Variants in DNAJC15 observed in about 807,000 individuals in gnomAD.
DNAJC15 encodes DnaJ heat shock protein family (Hsp40) member C15.
A neutral mutation model predicts 22.4 loss-of-function variants in DNAJC15; 27 were observed. The ratio of observed to expected loss-of-function variants is 1.20; its 90% CI spans 0.89 to 1.66. The LOEUF is 1.66. Ranked by LOEUF, DNAJC15 falls within the 40% of genes most tolerant of loss-of-function variation. The pLI is 0.00. For missense variants in DNAJC15, 208 were observed against 187.1 expected (o/e 1.11, Z -0.65); for synonymous variants, 79 against 63.2 (o/e 1.25, Z -1.19).
chr13:43,074,711 GTGA>G (rs1402139672), intron 3 of DNAJC15, among the ~76,000 whole-genome samples: 2 of 152,176 alleles, frequency 1.3e-5, no homozygotes, highest in Non-Finnish European at 2.9e-5. Flanking sequence ...TTAAAATACT[GTGA>G]TAACAGTTTT....
chr13:43,069,910 A>G (rs1196250641), intron 3 of DNAJC15, among the ~76,000 whole-genome samples: 1 of 152,202 alleles, frequency 6.6e-6, no homozygotes, highest in East Asian at 1.9e-4. Flanking sequence ...TACTTTATAT[A>G]TGTTATTTCA....
At chr13:43,027,904 T>C (rs1304801245) in intron 1 of DNAJC15, among the ~76,000 whole-genome samples, 1 of 152,218 alleles carries the variant, frequency 6.6e-6, no homozygotes, top group African/African-American at 2.4e-5. Context: ...CGATCCACCC[T>C]CCTCAACCTC....
chr13:43,084,358 T>C (rs1339377676), intron 4 of DNAJC15, among the ~76,000 whole-genome samples: 1 of 152,206 alleles, frequency 6.6e-6, no homozygotes, highest in Non-Finnish European at 1.5e-5. Flanking sequence ...AAAATAAACC[T>C]GGGGGTAGGT....
rs561739659 is a variant in DNAJC15 at position 43,023,679 on chromosome 13, A to G, written c.53A>G (p.Glu18Gly). The G allele has an allele frequency of 6.2e-7, 1 of 1,612,990 alleles. No homozygotes were observed. Among genetic ancestry groups the G allele is most frequent in the Admixed American group, 1.7e-5 (1 of 59,960 alleles). Reference protein sequence around the residue: ...APVGESLRYAEYLQPSAKRPD... With the variant: ...APVGESLRYAGYLQPSAKRPD... ...GTTGGCGAGAGTTTGCGCTACGCTG[A>G]GTACTTGCAGCCCTCGGCCAAACGG... Residue 18 changes from glutamate to glycine, a missense_variant, in exon 1 of 6, where the codon GAG becomes GGG. Glu to Gly is a moderately conservative substitution (Grantham distance 98). Transcript: ENST00000379221.
chr13:43,107,345 A>T lies in DNAJC15; in HGVS notation c.*97A>T, dbSNP rs969795143. On this transcript the variant is annotated 3_prime_UTR_variant, in exon 6 of 6. Coordinates refer to ENST00000379221, the MANE Select transcript of DNAJC15 (RefSeq NM_013238.3). ...TAAAACATGGTCTTCTTAATTTTCTATATGGATTGACCACAGTCTTATCTT... is the reference window on the plus strand; with the variant it reads ...TAAAACATGGTCTTCTTAATTTTCTTTATGGATTGACCACAGTCTTATCTT... 9 of 1,002,644 alleles carry T rather than the reference A, an allele frequency of 9.0e-6. No homozygotes were observed. The highest frequency in any genetic ancestry group is 3.3e-4 in the Middle Eastern group (1 of 2,992). The allele number at this position is 1,002,644 out of a possible 1,614,324, so 62.1% of individuals were successfully genotyped here.
In DNAJC15 at chr13:43,109,149, A is replaced by G. The variant is rs931024828; in HGVS notation, c.*1901A>G. The G allele has an allele frequency of 1.3e-5, 2 of 152,230 alleles. No homozygotes were observed. The highest frequency in any genetic ancestry group is 4.8e-5 in the African/African-American group (2 of 41,460). The allele number at this position is 152,230 out of a possible 1,614,324, so 9.4% of individuals were successfully genotyped here. ...GTTTGGTGTTACATTGGCACCCAAT[A>G]AATATTTGTTGAGTGAATGAATAAA... is the stretch of plus-strand genomic sequence containing the variant. On this transcript the variant is annotated 3_prime_UTR_variant, in exon 6 of 6. Transcript: ENST00000379221.
At chr13:43,024,893 T>TAAAGAAAAAAAAAAAAAAAAAAAAAA (rs2040372644) in intron 1 of DNAJC15, among the ~76,000 whole-genome samples, 1 of 85,946 alleles carries the variant, frequency 1.2e-5, no homozygotes. Context: ...CCATCTCTGC[T>TAAAGAAAAAAAAAAAAAAAAAAAAAA]AAAAAAAAAA....
At chr13:43,038,151 C>T (rs893011543) in intron 1 of DNAJC15, among the ~76,000 whole-genome samples, 3 of 151,996 alleles carry the variant, frequency 2.0e-5, no homozygotes, top group African/African-American at 7.2e-5. Flanking sequence ...TTATTTTCTT[C>T]GGATAAATTT....
intron 5 of DNAJC15, among the ~76,000 whole-genome samples, chr13:43,105,261 T>TTGCTTA (rs2040790859): frequency 6.6e-6 from 1 of 152,076 alleles, no homozygotes; most frequent in African/African-American, 2.4e-5. Flanking sequence ...TACCACACTC[T>TTGCTTA]TGCTTACTAG....
intron 1 of DNAJC15, among the ~76,000 whole-genome samples, chr13:43,049,226 A>G (rs950196463): frequency 1.3e-5 from 2 of 152,306 alleles, no homozygotes; most frequent in Non-Finnish European, 1.5e-5. Context: ...TACCAACACT[A>G]TGCCTGATTC....
At chr13:43,104,745 A>G (rs909854977) in intron 5 of DNAJC15, among the ~76,000 whole-genome samples, 12 of 148,898 alleles carry the variant, frequency 8.1e-5, no homozygotes, top group Non-Finnish European at 1.6e-4. Flanking sequence ...GCTGGAGTGC[A>G]GTGGTGCGAT....
chr13:43,029,740 G>T (rs1189251365), intron 1 of DNAJC15, among the ~76,000 whole-genome samples: 1 of 151,842 alleles, frequency 6.6e-6, no homozygotes, highest in Non-Finnish European at 1.5e-5. Flanking sequence ...TTGATCTGCT[G>T]GCATTATTTA....
intron 3 of DNAJC15, among the ~76,000 whole-genome samples, chr13:43,073,045 T>C (rs1035835694): frequency 6.6e-6 from 1 of 152,218 alleles, no homozygotes; most frequent in Admixed American, 6.5e-5. Context: ...TGTGTTCATA[T>C]TGGTTCTTTT....
intron 1 of DNAJC15, among the ~76,000 whole-genome samples, chr13:43,058,840 C>G (rs560893726): frequency 5.3e-5 from 8 of 152,270 alleles, no homozygotes; most frequent in South Asian, 4.1e-4. Context: ...TTTTAATTTT[C>G]GCTCAGCTCT....
Position 43,023,664 on chromosome 13 carries a change from G to C in DNAJC15, c.38G>C (p.Ser13Thr), listed in dbSNP as rs1257285882. Reference sequence around the variant, plus strand: ...GGTGTCATCGCTCCAGTTGGCGAGAGTTTGCGCTACGCTGAGTACTTGCAG... The same window carrying C: ...GGTGTCATCGCTCCAGTTGGCGAGACTTTGCGCTACGCTGAGTACTTGCAG... Reference protein sequence around the residue: ...ARGVIAPVGESLRYAEYLQPS... With the variant: ...ARGVIAPVGETLRYAEYLQPS... Residue 13 changes from serine to threonine, a missense_variant, in exon 1 of 6, where the codon AGT becomes ACT. Physicochemically the swap from Ser to Thr is moderately conservative, Grantham distance 58. Transcript: ENST00000379221. 6.2e-7 allele frequency: 1 copy of C among 1,612,802 alleles called. No individual in the cohort carries two copies. Among genetic ancestry groups the C allele is most frequent in the Admixed American group, 1.7e-5 (1 of 59,962 alleles).
Position 43,111,371 on chromosome 13 carries a change from CAT to C in DNAJC15, c.*4127_*4128del, listed in dbSNP as rs1260995834. 2 of 152,266 alleles carry C rather than the reference CAT, an allele frequency of 1.3e-5. No homozygotes were observed. The highest frequency in any genetic ancestry group is 2.4e-5 in the African/African-American group (1 of 41,556). The allele number at this position is 152,266 out of a possible 1,614,324, so 9.4% of individuals were successfully genotyped here. A position where few individuals can be genotyped will look rare whatever the true frequency, so the allele number is the denominator to read the frequency against. The stretch of plus-strand genomic sequence containing the variant: ...CCTTCATACTTTTTAATTAACAAGA[CAT>C]ATAAGAGTTGCATTAATGGGCGTGC... On this transcript the variant is annotated 3_prime_UTR_variant, in exon 6 of 6. Transcript: ENST00000379221.
chr13:43,097,794 G>A (rs139207213), intron 5 of DNAJC15, among the ~76,000 whole-genome samples: 2,536 of 152,020 alleles, frequency 0.017, 82 homozygotes, highest in East Asian at 0.1. Flanking sequence ...AAAATTAGCC[G>A]GGCGTGGTGG....
At chr13:43,066,845 G>A (rs960589810) in intron 2 of DNAJC15, among the ~76,000 whole-genome samples, 3 of 151,934 alleles carry the variant, frequency 2.0e-5, no homozygotes, top group African/African-American at 4.8e-5. Flanking sequence ...GGTTTCGATC[G>A]CCTGACCTCG....
At chr13:43,029,740 G>A (rs1189251365) in intron 1 of DNAJC15, among the ~76,000 whole-genome samples, 2 of 151,840 alleles carry the variant, frequency 1.3e-5, no homozygotes, top group Non-Finnish European at 2.9e-5. Context: ...TTGATCTGCT[G>A]GCATTATTTA....
Sources: gnomAD v4.1 joint callset for allele counts (sites outside exome capture counted in the v4.1 genomes callset) on GRCh38, gnomAD v4.1.1 for gene constraint, MANE v1.5 for transcripts, NCBI Gene and HGNC (gene_info 2026-07-23, HGNC 2026-07-21) for gene names.